The following GALNT13 variants were observed in gnomAD, a reference collection of about 807,000 sequenced individuals.
The protein encoded by GALNT13 is polypeptide N-acetylgalactosaminyltransferase 13, also known as UDP-GalNAc:polypeptide N-acetylgalactosaminyltransferase 13.
In GALNT13, 28 loss-of-function variants were observed where a neutral mutation model predicts 64.2. The ratio of observed to expected loss-of-function variants is 0.44; its 90% CI spans 0.32 to 0.60. The LOEUF (loss-of-function observed/expected upper bound fraction) is 0.60. Among genes scored for constraint, GALNT13 ranks in the 20% least tolerant of loss-of-function variants. The pLI is 0.05. For synonymous variants in GALNT13, 214 were observed against 224.6 expected, an observed-to-expected ratio of 0.95 and a Z score of 0.42; for missense variants, 577 against 669.8, an observed-to-expected ratio of 0.86 and a Z score of 1.53.
intron 3 of GALNT13, among the ~76,000 whole-genome samples, chr2:153,983,436 C>G (rs764982980): frequency 6.6e-6 from 1 of 151,724 alleles, no homozygotes; most frequent in Admixed American, 6.6e-5. Context: ...TTAGAAACCA[C>G]AACTTAGATT....
the GALNT13 span, among the ~76,000 whole-genome samples, chr2:153,382,917 A>C: frequency 6.6e-6 from 1 of 152,130 alleles, no homozygotes; most frequent in Non-Finnish European, 1.5e-5. Flanking sequence ...TTACAATTCC[A>C]AGTGAATTTA....
chr2:153,297,126 G>A, the GALNT13 span, among the ~76,000 whole-genome samples: 1 of 152,124 alleles, frequency 6.6e-6, no homozygotes, highest in Non-Finnish European at 1.5e-5. Flanking sequence ...ACTTTTAAAA[G>A]CTTACTTTGA....
At chr2:153,517,854 T>A in the GALNT13 span, among the ~76,000 whole-genome samples, 2 of 152,080 alleles carry the variant, frequency 1.3e-5, no homozygotes, top group East Asian at 1.9e-4. Flanking sequence ...AGGATGCTCA[T>A]CAACTACAGA....
chr2:153,304,871 T>G, the GALNT13 span, among the ~76,000 whole-genome samples: 1 of 152,148 alleles, frequency 6.6e-6, no homozygotes, highest in Non-Finnish European at 1.5e-5. Flanking sequence ...TAAAAAACAT[T>G]TGCGGAGAGG....
the GALNT13 span, among the ~76,000 whole-genome samples, chr2:153,249,555 G>A: frequency 1.3e-5 from 2 of 152,052 alleles, no homozygotes; most frequent in African/African-American, 4.8e-5. Context: ...CCAAAAAAGA[G>A]CCCATATAAC....
chr2:153,906,165 T>A (rs1004900704), intron 2 of GALNT13, among the ~76,000 whole-genome samples: 2 of 151,912 alleles, frequency 1.3e-5, no homozygotes, highest in African/African-American at 4.8e-5. Flanking sequence ...TTTTGATCTT[T>A]TAGTTTCTCT....
intron 10 of GALNT13, among the ~76,000 whole-genome samples, chr2:154,407,016 G>A (rs766949164): frequency 6.6e-5 from 10 of 152,142 alleles, no homozygotes; most frequent in Non-Finnish European, 1.0e-4. Flanking sequence ...TTGTCAAAGA[G>A]TAAGAGGGCA....
the GALNT13 span, among the ~76,000 whole-genome samples, chr2:153,094,227 T>C: frequency 1.6e-3 from 243 of 152,248 alleles, 2 homozygotes; most frequent in East Asian, 0.038. Flanking sequence ...GATGCATTGT[T>C]GGATTATTTA....
intron 9 of GALNT13, among the ~76,000 whole-genome samples, chr2:154,364,600 G>C (rs754166530): frequency 3.5e-4 from 53 of 152,120 alleles, no homozygotes; most frequent in Non-Finnish European, 5.9e-4. Context: ...CTTTTAATCT[G>C]TTTTCTTATA....
At chr2:154,199,980 G>A (rs149479137) in intron 4 of GALNT13, among the ~76,000 whole-genome samples, 157 of 151,930 alleles carry the variant, frequency 1.0e-3, no homozygotes, top group African/African-American at 3.5e-3. Flanking sequence ...ATGCACAGTT[G>A]CATGTTCCAT....
At chr2:154,149,074 G>A (rs1683807391) in intron 4 of GALNT13, among the ~76,000 whole-genome samples, 2 of 152,152 alleles carry the variant, frequency 1.3e-5, no homozygotes, top group South Asian at 4.1e-4. Flanking sequence ...TAAAGTTTAA[G>A]TCTTTAATCC....
chr2:154,336,328 G>A (rs960614155), intron 9 of GALNT13, among the ~76,000 whole-genome samples: 1 of 152,052 alleles, frequency 6.6e-6, no homozygotes, highest in Non-Finnish European at 1.5e-5. Context: ...TGATCATCAG[G>A]AATACCACAG....
chr2:153,734,787 T>A, the GALNT13 span, among the ~76,000 whole-genome samples: 1 of 152,146 alleles, frequency 6.6e-6, no homozygotes, highest in Non-Finnish European at 1.5e-5. Context: ...TACGCTGACA[T>A]TTTTTGGCCT....
intron 2 of GALNT13, among the ~76,000 whole-genome samples, chr2:153,902,533 G>T (rs1376311859): frequency 6.6e-6 from 1 of 151,996 alleles, no homozygotes; most frequent in Non-Finnish European, 1.5e-5. Flanking sequence ...TGTTATTCTG[G>T]TGATATCTTC....
At chr2:153,221,700 T>A in the GALNT13 span, among the ~76,000 whole-genome samples, 1 of 151,808 alleles carries the variant, frequency 6.6e-6, no homozygotes, top group Non-Finnish European at 1.5e-5. Flanking sequence ...GTGAAGGATG[T>A]GTGGGGCCAG....
At chr2:153,945,905 T>C (rs1240273233) in intron 3 of GALNT13, among the ~76,000 whole-genome samples, 1 of 152,178 alleles carries the variant, frequency 6.6e-6, no homozygotes, top group East Asian at 1.9e-4. Context: ...TTTTGACTAA[T>C]ACAAATAATT....
At chr2:153,459,792 A>G in the GALNT13 span, among the ~76,000 whole-genome samples, 1 of 152,154 alleles carries the variant, frequency 6.6e-6, no homozygotes, top group Admixed American at 6.5e-5. Context: ...GGTCAAATTA[A>G]ATTTCATTGA....
the GALNT13 span, among the ~76,000 whole-genome samples, chr2:153,442,236 T>C: frequency 1.3e-5 from 2 of 152,322 alleles, no homozygotes; most frequent in Admixed American, 1.3e-4. Flanking sequence ...TCTGTTTATG[T>C]AATGGATTAT....
At chr2:153,229,401 AT>A in the GALNT13 span, among the ~76,000 whole-genome samples, 1 of 152,128 alleles carries the variant, frequency 6.6e-6, no homozygotes, top group African/African-American at 2.4e-5. Flanking sequence ...TTTAGTCCAT[AT>A]TTATTAACCT....
Sources: gnomAD v4.1 joint callset for allele counts (sites outside exome capture counted in the v4.1 genomes callset) on GRCh38, gnomAD v4.1.1 for gene constraint, MANE v1.5 for transcripts, NCBI Gene and HGNC (gene_info 2026-07-23, HGNC 2026-07-21) for gene names.